The following ZNF148 variants were observed in gnomAD, a reference collection of about 807,000 sequenced individuals.
The protein encoded by ZNF148 is zinc finger protein 148, also known as Beta-Enolase Repressor Factor-1.
ZNF148 carries 7 observed loss-of-function variants against 67.7 expected under a neutral mutation model. That is an observed-to-expected ratio of 0.10 (90% CI 0.06 to 0.19). ZNF148 has a LOEUF of 0.19. Among genes scored for constraint, ZNF148 ranks in the 10% least tolerant of loss-of-function variants. The pLI, the probability that ZNF148 is intolerant of heterozygous loss-of-function variation, is 1.00. For missense variants in ZNF148, 583 were observed against 947.1 expected (o/e 0.62, Z 5.05); for synonymous variants, 333 against 330.7 (o/e 1.01, Z -0.08).
intron 3 of ZNF148, among the ~76,000 whole-genome samples, chr3:125,322,720 T>A (rs1940838662): frequency 6.6e-6 from 1 of 152,172 alleles, no homozygotes; most frequent in Non-Finnish European, 1.5e-5. Context: ...ACTTTTCAAG[T>A]AAATATAAAT....
At chr3:125,263,055 G>A (rs1937412026) in intron 7 of ZNF148, among the ~76,000 whole-genome samples, 1 of 152,142 alleles carries the variant, frequency 6.6e-6, no homozygotes, top group African/African-American at 2.4e-5. Context: ...ATATTAAAAT[G>A]TTTTGTCAAG....
At chr3:125,351,723 TA>T (rs1405522021) in intron 1 of ZNF148, among the ~76,000 whole-genome samples, 1 of 151,916 alleles carries the variant, frequency 6.6e-6, no homozygotes, top group Non-Finnish European at 1.5e-5. Flanking sequence ...ACAACCCAAC[TA>T]AAAAACAGGC....
intron 1 of ZNF148, among the ~76,000 whole-genome samples, chr3:125,342,432 G>C (rs2107737901): frequency 6.6e-6 from 1 of 151,722 alleles, no homozygotes; most frequent in East Asian, 1.9e-4. Context: ...AATGACACCA[G>C]ATTTCTCATC....
At chr3:125,336,878 T>C (rs1030601784) in intron 1 of ZNF148, among the ~76,000 whole-genome samples, 2 of 151,772 alleles carry the variant, frequency 1.3e-5, no homozygotes, top group African/African-American at 2.4e-5. Flanking sequence ...GGTTTCACCA[T>C]GTTGGCCAGG....
At chr3:125,303,072 C>G (rs926347566) in intron 4 of ZNF148, among the ~76,000 whole-genome samples, 5 of 152,172 alleles carry the variant, frequency 3.3e-5, no homozygotes, top group Non-Finnish European at 7.3e-5. Context: ...GGACGACTCT[C>G]AAGAGCATTA....
intron 7 of ZNF148, among the ~76,000 whole-genome samples, chr3:125,272,045 C>T (rs1579672676): frequency 1.3e-5 from 2 of 152,144 alleles, no homozygotes; most frequent in Admixed American, 6.5e-5. Context: ...TTCCATCATA[C>T]CTTTGCTTTA....
At chr3:125,272,267 C>A (rs1937786663) in intron 7 of ZNF148, among the ~76,000 whole-genome samples, 1 of 152,208 alleles carries the variant, frequency 6.6e-6, no homozygotes, top group Admixed American at 6.5e-5. Context: ...AATTGTGAGT[C>A]ACATGATTCA....
chr3:125,318,900 C>G (rs1940643059), intron 3 of ZNF148, among the ~76,000 whole-genome samples: 2 of 152,088 alleles, frequency 1.3e-5, no homozygotes, highest in South Asian at 4.2e-4. Flanking sequence ...TTTATTCTTC[C>G]CTCATCACCA....
intron 7 of ZNF148, among the ~76,000 whole-genome samples, chr3:125,240,170 T>G (rs980765932): frequency 3.3e-5 from 5 of 152,192 alleles, no homozygotes; most frequent in Non-Finnish European, 4.4e-5. Context: ...TTTTTTTCCC[T>G]CAAGGAGCTC....
At chr3:125,296,427 C>G (rs892373405) in intron 4 of ZNF148, among the ~76,000 whole-genome samples, 2 of 152,064 alleles carry the variant, frequency 1.3e-5, no homozygotes, top group Non-Finnish European at 2.9e-5. Context: ...CCAGCCAATG[C>G]TATTTTTTAG....
intron 5 of ZNF148, among the ~76,000 whole-genome samples, chr3:125,281,711 G>A (rs1938395980): frequency 6.6e-6 from 1 of 152,160 alleles, no homozygotes; most frequent in Admixed American, 6.5e-5. Context: ...CTTAATTCAA[G>A]GTGAATTTTA....
chr3:125,359,518 G>C (rs1276802166), intron 1 of ZNF148, among the ~76,000 whole-genome samples: 1 of 152,056 alleles, frequency 6.6e-6, no homozygotes, highest in Non-Finnish European at 1.5e-5. Flanking sequence ...AGACAAAAAA[G>C]AAAGTAAAGA....
chr3:125,287,466 C>A lies in ZNF148; in HGVS notation c.459+637G>T, dbSNP rs9819774. On this transcript the variant is annotated intron_variant, in intron 5 of 8. Coordinates refer to ENST00000360647, the MANE Select transcript of ZNF148 (RefSeq NM_021964.3). ...CTAGCCTGGCCAACATAGCAAGACC[C>A]CATTTCTGTAAGAAATTCAAAAATT... is the stretch of plus-strand genomic sequence containing the variant. Among the ~76,000 whole-genome samples the A allele has an allele frequency of 4.0e-3, 603 of 152,182 alleles. 5 individuals are homozygous for A. Among genetic ancestry groups the A allele is most frequent in the African/African-American group, 0.014 (572 of 41,482 alleles).
chr3:125,238,153 C>G (rs1201230831), intron 7 of ZNF148, among the ~76,000 whole-genome samples: 1 of 152,000 alleles, frequency 6.6e-6, no homozygotes, highest in African/African-American at 2.4e-5. Context: ...GATTACAGGC[C>G]TAAGTGTGAG....
chr3:125,250,672 G>T (rs1047115903), intron 7 of ZNF148, among the ~76,000 whole-genome samples: 1 of 152,184 alleles, frequency 6.6e-6, no homozygotes, highest in African/African-American at 2.4e-5. Context: ...ACAGCAGTTG[G>T]AATAAGTTGA....
intron 7 of ZNF148, among the ~76,000 whole-genome samples, chr3:125,270,022 G>GGGTGA (rs1364947924): frequency 1.4e-4 from 22 of 152,226 alleles, no homozygotes; most frequent in Admixed American, 1.3e-3. Context: ...TTCACTGTCT[G>GGGTGA]GGTGACAGGA....
chr3:125,248,505 A>T (rs1936700759), intron 7 of ZNF148, among the ~76,000 whole-genome samples: 1 of 152,172 alleles, frequency 6.6e-6, no homozygotes, highest in South Asian at 2.1e-4. Flanking sequence ...CTTCCCTTTA[A>T]AAAAATTAAC....
At chr3:125,303,482 T>C (rs1010223443) in intron 4 of ZNF148, among the ~76,000 whole-genome samples, 1 of 152,178 alleles carries the variant, frequency 6.6e-6, no homozygotes, top group African/African-American at 2.4e-5. Flanking sequence ...GAGCTCTGCC[T>C]CCTGTTAGGT....
At chr3:125,368,440 C>T (rs1343338986) in intron 1 of ZNF148, among the ~76,000 whole-genome samples, 1 of 152,194 alleles carries the variant, frequency 6.6e-6, no homozygotes, top group Admixed American at 6.5e-5. Flanking sequence ...CCAACTTCCT[C>T]CTTGGGAGTG....
Sources: allele counts gnomAD v4.1 joint callset (sites outside exome capture counted in the v4.1 genomes callset), GRCh38; gene constraint gnomAD v4.1.1; transcripts MANE v1.5; gene names NCBI Gene and HGNC (gene_info 2026-07-23, HGNC 2026-07-21).